Variants in DMXL1 observed in about 807,000 individuals in gnomAD.
The protein encoded by DMXL1 is Dmx like 1, also known as dmX-like protein 1.
In DMXL1, 99 loss-of-function variants were observed where a neutral mutation model predicts 319.2. That is an observed-to-expected ratio of 0.31 (90% CI 0.26 to 0.37). The LOEUF is 0.37. Among genes scored for constraint, DMXL1 ranks in the 10% least tolerant of loss-of-function variants. The pLI is 1.00. For synonymous variants in DMXL1, 1,385 were observed against 1,235.2 expected, an observed-to-expected ratio of 1.12 and a Z score of -2.54; for missense variants, 3,745 against 3,595.6, an observed-to-expected ratio of 1.04 and a Z score of -1.06.
At chr5:119,186,592 T>G (rs575051027) in intron 28 of DMXL1, among the ~76,000 whole-genome samples, 97 of 152,342 alleles carry the variant, frequency 6.4e-4, no homozygotes, top group African/African-American at 2.3e-3. Context: ...CTTAATAACC[T>G]TCCCCTTATA....
intron 1 of DMXL1, among the ~76,000 whole-genome samples, chr5:119,077,754 AGTGTGTGTGTGTGTGT>A (rs59365686): frequency 8.0e-6 from 1 of 125,336 alleles, no homozygotes; most frequent in Non-Finnish European, 1.7e-5. Context: ...TTATTTTTTA[AGTGTGTGTGTGTGTGT>A]GTGTGTGTGT....
chr5:119,173,698 GTA>G lies in DMXL1; in HGVS notation c.6682-1553_6682-1552del, dbSNP rs374795634. Among the ~76,000 whole-genome samples the G allele has an allele frequency of 8.3e-3, 462 of 55,844 alleles. 3 individuals carry two copies. The East Asian group carries it at 0.32, about 38-fold the overall frequency. 36.6% of individuals were successfully genotyped at this position (55,844 alleles called of 152,430 possible). The stretch of plus-strand genomic sequence containing the variant: ...TGTGTGTGTGTGTGTGTGTGTGTGT[GTA>G]TATATATATGTGTGTGTGTATATAT... On this transcript the variant is annotated intron_variant, in intron 25 of 43. Transcript: ENST00000539542.
At chr5:119,122,425 T>A (rs537643664) in intron 9 of DMXL1, among the ~76,000 whole-genome samples, 2 of 147,714 alleles carry the variant, frequency 1.4e-5, no homozygotes, top group South Asian at 2.2e-4. Context: ...ATGGGGCAGC[T>A]GGCCGGGCGG....
At chr5:119,245,162 A>G (rs1206060244) in intron 43 of DMXL1, among the ~76,000 whole-genome samples, 1 of 152,244 alleles carries the variant, frequency 6.6e-6, no homozygotes, top group Non-Finnish European at 1.5e-5. Flanking sequence ...TCCAAGACTC[A>G]GGGATCTGCA....
chr5:119,203,300 T>G lies in DMXL1; in HGVS notation c.7746-19T>G. ...AAATTTCTGAAGTTTATCATTAAAT[T>G]TGCTGTCTCTCTCTGTAGATCCAAA... is the stretch of plus-strand genomic sequence containing the variant. On this transcript the variant is annotated intron_variant, in intron 32 of 43. Coordinates refer to ENST00000539542, the MANE Select transcript of DMXL1 (RefSeq NM_001290321.3). 6.8e-7 allele frequency: 1 copy of G among 1,474,276 alleles called. No individual in the cohort carries two copies. 91.3% of individuals were successfully genotyped at this position (1,474,276 alleles called of 1,614,324 possible).
At chr5:119,131,455 C>T (rs1764878793) in intron 10 of DMXL1, among the ~76,000 whole-genome samples, 1 of 152,098 alleles carries the variant, frequency 6.6e-6, no homozygotes. Context: ...AGTTACAAGT[C>T]CATACACCTA....
At chr5:119,079,265 A>G (rs1344219159) in intron 1 of DMXL1, among the ~76,000 whole-genome samples, 4 of 152,160 alleles carry the variant, frequency 2.6e-5, no homozygotes, top group Non-Finnish European at 5.9e-5. Context: ...TGAAAAATCC[A>G]CTTATATCAG....
intron 1 of DMXL1, among the ~76,000 whole-genome samples, chr5:119,097,465 C>A (rs988080895): frequency 6.6e-6 from 1 of 152,154 alleles, no homozygotes; most frequent in African/African-American, 2.4e-5. Context: ...CGCCTGTAAT[C>A]CCAGCACTTT....
rs939766246 is a variant in DMXL1, at chr5:119,118,739, T to G, written c.744-76T>G. The stretch of plus-strand genomic sequence containing the variant: ...ACCTTAGTTGGTACATTTAAGTAAT[T>G]ACAGAAACATCGTAGAATTTCTGTG... On this transcript the variant is annotated intron_variant, in intron 7 of 43. Transcript: ENST00000539542. 7 of 1,149,286 alleles carry G rather than the reference T, an allele frequency of 6.1e-6. No individual in the cohort carries two copies. The African/African-American group carries it at 9.3e-5, about 15-fold the overall frequency. The allele number at this position is 1,149,286 out of a possible 1,614,324, so 71.2% of individuals were successfully genotyped here.
intron 1 of DMXL1, among the ~76,000 whole-genome samples, chr5:119,088,925 T>A (rs1436254157): frequency 6.6e-6 from 1 of 152,152 alleles, no homozygotes; most frequent in African/African-American, 2.4e-5. Flanking sequence ...ACAATTACAG[T>A]ATTCTTCTAG....
At chr5:119,120,645 A>G (rs541230797) in intron 8 of DMXL1, among the ~76,000 whole-genome samples, 10 of 152,224 alleles carry the variant, frequency 6.6e-5, no homozygotes, top group South Asian at 2.1e-4. Flanking sequence ...GTCACAAACA[A>G]TAGTATTGGG....
intron 32 of DMXL1, 104 bp downstream of exon 32, chr5:119,198,060 C>G: frequency 9.5e-7 from 1 of 1,053,992 alleles, no homozygotes; most frequent in Non-Finnish European, 1.4e-6. Context: ...ACAATCTCAG[C>G]TCACTGCAGC....
intron 15 of DMXL1, among the ~76,000 whole-genome samples, chr5:119,146,142 C>T (rs1768478083): frequency 6.6e-6 from 1 of 151,760 alleles, no homozygotes; most frequent in African/African-American, 2.4e-5. Context: ...CTAATAATAC[C>T]TGCTTTCTCA....
chr5:119,237,136 C>A lies in DMXL1; in HGVS notation c.8467-186C>A. On this transcript the variant is annotated intron_variant, in intron 39 of 43. Coordinates refer to ENST00000539542, the MANE Select transcript of DMXL1 (RefSeq NM_001290321.3). ...TGATGTTTGTTCTCTTTATGTTCACCCTGGGATTTTTAAAGTAGTAGCTGA... is the reference window on the plus strand; with the variant it reads ...TGATGTTTGTTCTCTTTATGTTCACACTGGGATTTTTAAAGTAGTAGCTGA... 3 of 357,804 alleles carry A rather than the reference C, an allele frequency of 8.4e-6. 1 individual carries two copies. Among genetic ancestry groups the A allele is most frequent in the South Asian group, 1.4e-4 (2 of 14,058 alleles). The allele number at this position is 357,804 out of a possible 1,614,324, so 22.2% of individuals were successfully genotyped here. A position where few individuals can be genotyped will look rare whatever the true frequency, so the allele number is the denominator to read the frequency against.
At chr5:119,130,729 A>C (rs1158754588) in intron 10 of DMXL1, among the ~76,000 whole-genome samples, 1 of 152,198 alleles carries the variant, frequency 6.6e-6, no homozygotes, top group African/African-American at 2.4e-5. Context: ...TCTAAGAGAA[A>C]TGTCTAACAG....
At chr5:119,097,269 A>G (rs1185774142) in intron 1 of DMXL1, among the ~76,000 whole-genome samples, 1 of 152,220 alleles carries the variant, frequency 6.6e-6, no homozygotes, top group African/African-American at 2.4e-5. Flanking sequence ...GAGGGGTTTA[A>G]GCAGGGAAAA....
At chr5:119,210,107 G>A (rs1046926535) in intron 34 of DMXL1, among the ~76,000 whole-genome samples, 3 of 151,898 alleles carry the variant, frequency 2.0e-5, no homozygotes, top group East Asian at 3.9e-4. Context: ...AACACACCCG[G>A]CTAATTTTTA....
At chr5:119,243,769 CTAT>C (rs959187096) in intron 42 of DMXL1, among the ~76,000 whole-genome samples, 1 of 152,050 alleles carries the variant, frequency 6.6e-6, no homozygotes, top group Non-Finnish European at 1.5e-5. Context: ...TCTGTCATCT[CTAT>C]TATTTCTGGG....
rs1765407221 is a variant in DMXL1, at chr5:119,133,675, C to A, written c.1751C>A (p.Ser584Ter). The change falls in exon 12 of 44, where the codon TCA (serine) becomes TAA (stop). Residue 584 changes from serine (S) to a stop codon, truncating the protein, a stop_gained. Coordinates refer to ENST00000539542, the MANE Select transcript of DMXL1 (RefSeq NM_001290321.3). LOFTEE classifies it high-confidence loss of function. ...SMLISSGHNK[S>*]SNSLKLSIFT... is the part of the protein sequence containing the mutation. Reference sequence around the variant, plus strand: ...CTTATTTCTTCTGGTCACAATAAATCATCTAATAGTTTAAAATTAAGTATT... The same window carrying A: ...CTTATTTCTTCTGGTCACAATAAATAATCTAATAGTTTAAAATTAAGTATT... The A allele has an allele frequency of 6.2e-7, 1 of 1,614,034 alleles. No homozygotes were observed. The highest frequency in any genetic ancestry group is 1.1e-5 in the South Asian group (1 of 91,070).
Sources: allele counts gnomAD v4.1 joint callset (sites outside exome capture counted in the v4.1 genomes callset), GRCh38; gene constraint gnomAD v4.1.1; transcripts MANE v1.5; gene names NCBI Gene and HGNC (gene_info 2026-07-23, HGNC 2026-07-21).